The following ZCWPW2 variants were observed in gnomAD, a reference collection of about 807,000 sequenced individuals.
ZCWPW2 encodes zinc finger CW-type and PWWP domain containing 2.
Under a neutral mutation model 46.6 loss-of-function variants are expected in ZCWPW2, and 45 were observed. That is an observed-to-expected ratio of 0.96 (90% CI 0.76 to 1.24). ZCWPW2 has a LOEUF of 1.24. Ranked by LOEUF, ZCWPW2 falls within the 50% of genes most tolerant of loss-of-function variation. The pLI is 0.00. For missense variants in ZCWPW2, 429 were observed against 403.9 expected, an observed-to-expected ratio of 1.06 and a Z score of -0.53; for synonymous variants, 152 against 137.1, an observed-to-expected ratio of 1.11 and a Z score of -0.76.
Position 28,348,994 on chromosome 3 carries a change from G to A in ZCWPW2, c.-343G>A, listed in dbSNP as rs1486153174. On this transcript the variant is annotated 5_prime_UTR_variant, in exon 1 of 10. Transcript: ENST00000383768. Reference sequence around the variant, plus strand: ...TGAGCTCTCAGCCGGAAAAGGGGCTGCCGCTGTCCGCGGGCTCGGCGCCAG... The same window carrying A: ...TGAGCTCTCAGCCGGAAAAGGGGCTACCGCTGTCCGCGGGCTCGGCGCCAG... 2.0e-6 allele frequency: 2 copies of A among 985,832 alleles called. No individual in the cohort carries two copies. Among genetic ancestry groups the A allele is most frequent in the Non-Finnish European group, 2.4e-6 (2 of 830,258 alleles). The allele number at this position is 985,832 out of a possible 1,614,324, so 61.1% of individuals were successfully genotyped here. A position where few individuals can be genotyped will look rare whatever the true frequency, so the allele number is the denominator to read the frequency against.
At chr3:28,492,027 A>G in intron 5 of ZCWPW2, 100 bp from the exon 6 acceptor site, 1 of 1,161,726 alleles carries the variant, frequency 8.6e-7, no homozygotes, top group Non-Finnish European at 1.2e-6. Context: ...CTGTTACAAT[A>G]GTAATGAGAA....
chr3:28,509,047 G>A (rs892541294), intron 6 of ZCWPW2, among the ~76,000 whole-genome samples: 2 of 151,858 alleles, frequency 1.3e-5, no homozygotes, highest in Non-Finnish European at 2.9e-5. Context: ...GCCCTTTTCC[G>A]TGGTAACCAC....
chr3:28,402,813 A>G (rs1295468079), intron 2 of ZCWPW2, among the ~76,000 whole-genome samples: 3 of 152,224 alleles, frequency 2.0e-5, no homozygotes, highest in African/African-American at 7.2e-5. Flanking sequence ...GATTATCTCA[A>G]TAGACACAGC....
intron 6 of ZCWPW2, among the ~76,000 whole-genome samples, chr3:28,506,075 A>AAT (rs1234207254): frequency 6.8e-6 from 1 of 147,336 alleles, no homozygotes; most frequent in Non-Finnish European, 1.5e-5. Context: ...ATTATCATTA[A>AAT]ATATATATAT....
intron 2 of ZCWPW2, among the ~76,000 whole-genome samples, chr3:28,401,849 G>A (rs1011113003): frequency 2.0e-5 from 3 of 151,850 alleles, no homozygotes; most frequent in African/African-American, 7.3e-5. Context: ...AAATCAAGAT[G>A]GAAATTTAAA....
chr3:28,372,697 A>G (rs1387152952), intron 1 of ZCWPW2, among the ~76,000 whole-genome samples: 3 of 152,100 alleles, frequency 2.0e-5, no homozygotes, highest in African/African-American at 7.2e-5. Flanking sequence ...GCTTTGATGT[A>G]TTGGCTTTTA....
At chr3:28,427,930 T>G (rs192804675) in intron 3 of ZCWPW2, 1 of 152,290 alleles carries the variant, frequency 6.6e-6, no homozygotes, top group African/African-American at 2.4e-5. Flanking sequence ...AATGTAACAA[T>G]TATGGATTGG....
intron 1 of ZCWPW2, among the ~76,000 whole-genome samples, chr3:28,349,720 TAAATAAAC>T (rs1052844994): frequency 5.9e-5 from 9 of 152,248 alleles, no homozygotes; most frequent in African/African-American, 1.7e-4. Flanking sequence ...TATTATTGGT[TAAATAAAC>T]AAATAAACAA....
chr3:28,393,933 C>T (rs986199833), intron 2 of ZCWPW2, among the ~76,000 whole-genome samples: 9 of 151,842 alleles, frequency 5.9e-5, no homozygotes, highest in African/African-American at 2.2e-4. Context: ...TTAGCCAGAG[C>T]AATTAGGCAA....
intron 5 of ZCWPW2, among the ~76,000 whole-genome samples, chr3:28,482,868 G>T (rs375200133): frequency 1.3e-5 from 2 of 151,984 alleles, no homozygotes; most frequent in Non-Finnish European, 2.9e-5. Context: ...TGCTGCAGAG[G>T]TTTTAAGAGT....
chr3:28,381,048 G>A (rs1303954230), intron 1 of ZCWPW2, among the ~76,000 whole-genome samples: 4 of 11,084 alleles, frequency 3.6e-4, no homozygotes, highest in African/African-American at 1.2e-3. Flanking sequence ...TATATATTTG[G>A]TGTATATATA....
At chr3:28,445,991 A>G (rs991323731) in intron 4 of ZCWPW2, among the ~76,000 whole-genome samples, 1 of 152,162 alleles carries the variant, frequency 6.6e-6, no homozygotes, top group Non-Finnish European at 1.5e-5. Context: ...GCTATTATAA[A>G]CATGCATCTG....
intron 2 of ZCWPW2, among the ~76,000 whole-genome samples, chr3:28,404,233 A>G (rs913105596): frequency 4.6e-5 from 7 of 152,134 alleles, no homozygotes; most frequent in South Asian, 2.1e-4. Context: ...TGAATACACA[A>G]TTCTCAAAAG....
At chr3:28,353,046 G>A (rs1017483471) in intron 1 of ZCWPW2, among the ~76,000 whole-genome samples, 1 of 151,984 alleles carries the variant, frequency 6.6e-6, no homozygotes, top group African/African-American at 2.4e-5. Context: ...ATCCAGACAT[G>A]GTGGCTCACT....
intron 1 of ZCWPW2, among the ~76,000 whole-genome samples, chr3:28,382,336 T>C (rs1258191795): frequency 2.0e-5 from 3 of 152,116 alleles, no homozygotes; most frequent in African/African-American, 7.2e-5. Flanking sequence ...CTTCTCCCTG[T>C]CCTCACATAG....
intron 3 of ZCWPW2, among the ~76,000 whole-genome samples, chr3:28,434,892 T>G (rs1310796852): frequency 6.6e-6 from 1 of 152,198 alleles, no homozygotes; most frequent in Non-Finnish European, 1.5e-5. Context: ...TATCTATATC[T>G]TAAACTTGTG....
At chr3:28,456,543 T>C (rs993877057) in intron 4 of ZCWPW2, among the ~76,000 whole-genome samples, 2 of 152,204 alleles carry the variant, frequency 1.3e-5, no homozygotes, top group African/African-American at 4.8e-5. Context: ...GCAATCCTTA[T>C]CTTGTTCCAG....
At chr3:28,485,410 T>C (rs1397606725) in intron 5 of ZCWPW2, among the ~76,000 whole-genome samples, 1 of 152,210 alleles carries the variant, frequency 6.6e-6, no homozygotes, top group African/African-American at 2.4e-5. Context: ...ATGTCAAATA[T>C]ATCCAGTTGA....
At chr3:28,361,414 G>A (rs930470845) in intron 1 of ZCWPW2, among the ~76,000 whole-genome samples, 3 of 152,014 alleles carry the variant, frequency 2.0e-5, no homozygotes, top group Non-Finnish European at 2.9e-5. Flanking sequence ...AAAAATATAA[G>A]GAATTAAACT....
Sources: gnomAD v4.1 joint callset for allele counts (sites outside exome capture counted in the v4.1 genomes callset) on GRCh38, gnomAD v4.1.1 for gene constraint, MANE v1.5 for transcripts, NCBI Gene and HGNC (gene_info 2026-07-23, HGNC 2026-07-21) for gene names.